TRIM42: variants seen among roughly 807,000 people sequenced by gnomAD.
The protein encoded by TRIM42 is tripartite motif-containing protein 42.
In TRIM42, 59 loss-of-function variants were observed where a neutral mutation model predicts 64.9. That is an observed-to-expected ratio of 0.91 (90% confidence interval 0.74 to 1.13). The LOEUF (loss-of-function observed/expected upper bound fraction) is 1.13. TRIM42 is among the 50% of genes most tolerant of loss of function. The pLI, the probability that TRIM42 is intolerant of heterozygous loss-of-function variation, is 0.00. For missense variants in TRIM42, 878 were observed against 929.5 expected (o/e 0.94, Z 0.72); for synonymous variants, 354 against 346.3 (o/e 1.02, Z -0.25).
intron 4 of TRIM42, among the ~76,000 whole-genome samples, chr3:140,692,492 T>G (rs1245476640): frequency 8.5e-6 from 1 of 117,408 alleles, no homozygotes; most frequent in Admixed American, 9.2e-5. Context: ...CTTTACCTCA[T>G]AGAGTCCAGC....
At chr3:140,697,503 G>A (rs1469636540) in intron 4 of TRIM42, among the ~76,000 whole-genome samples, 1 of 152,030 alleles carries the variant, frequency 6.6e-6, no homozygotes, top group African/African-American at 2.4e-5. Flanking sequence ...AATCCATCCA[G>A]ACTCTGCCTT....
intron 4 of TRIM42, 114 bp from the exon 5 acceptor site, chr3:140,700,774 G>C: frequency 1.1e-6 from 1 of 883,944 alleles, no homozygotes; most frequent in East Asian, 2.6e-5. Context: ...CAGCCACTGT[G>C]GTGGTCGTGA....
intron 2 of TRIM42, among the ~76,000 whole-genome samples, chr3:140,685,888 T>C (rs751896699): frequency 5.3e-5 from 8 of 152,232 alleles, no homozygotes; most frequent in Non-Finnish European, 8.8e-5. Context: ...TAAGAAGATA[T>C]ATGTGATAGA....
chr3:140,688,171 G>C lies in TRIM42; in HGVS notation c.1489G>C (p.Val497Leu), dbSNP rs918253075. ...HELFPTGPKK[V>L]RSSGDSLPSP... ...GCTCTTCCCCACAGGGCCCAAGAAG[G>C]TACGCTCCTCAGGGGACTCCCTGCC... The change falls in exon 3 of 5, where the codon GTA (valine) becomes CTA (leucine). Residue 497 changes from valine to leucine, a missense_variant. Transcript: ENST00000286349. The C allele has an allele frequency of 2.5e-6, 4 of 1,614,052 alleles. No individual in the cohort carries two copies. The highest frequency in any genetic ancestry group is 3.4e-6 in the Non-Finnish European group (4 of 1,180,032).
rs370072360 is a variant in TRIM42, at chr3:140,691,204, G to T, written c.2085+12G>T. The T allele has an allele frequency of 6.2e-7, 1 of 1,609,188 alleles. No homozygotes were observed. The highest frequency in any genetic ancestry group is 1.3e-5 in the African/African-American group (1 of 74,782). On this transcript the variant is annotated intron_variant, in intron 4 of 4. Coordinates refer to ENST00000286349, the MANE Select transcript of TRIM42 (RefSeq NM_152616.5). ...GTGATATCTGCAAGGTATTGTGTGCGTTATTTCTCAGACAGATTTTTTTTT... is the reference window on the plus strand; with the variant it reads ...GTGATATCTGCAAGGTATTGTGTGCTTTATTTCTCAGACAGATTTTTTTTT...
intron 2 of TRIM42, among the ~76,000 whole-genome samples, chr3:140,684,894 G>A (rs1182641430): frequency 3.3e-5 from 5 of 152,090 alleles, no homozygotes; most frequent in Admixed American, 6.6e-5. Flanking sequence ...AGAGAACCTC[G>A]TCCTTAATAC....
chr3:140,700,408 A>G (rs191889104), intron 4 of TRIM42, among the ~76,000 whole-genome samples: 50 of 152,342 alleles, frequency 3.3e-4, no homozygotes, highest in Admixed American at 9.8e-4. Flanking sequence ...TCTCTTTTCC[A>G]TAACTAGTGT....
chr3:140,680,948 G>A (rs116067457), intron 1 of TRIM42, among the ~76,000 whole-genome samples: 4 of 152,300 alleles, frequency 2.6e-5, no homozygotes, highest in East Asian at 3.9e-4. Context: ...GAACACAGCC[G>A]CAATGTCGAG....
At chr3:140,683,401 GACCC>G (rs1222713422) in intron 2 of TRIM42, among the ~76,000 whole-genome samples, 1 of 152,166 alleles carries the variant, frequency 6.6e-6, no homozygotes, top group Admixed American at 6.5e-5. Flanking sequence ...GAATAGTAGT[GACCC>G]CCTCACTGGG....
chr3:140,699,881 C>CTAAT (rs1411117920), intron 4 of TRIM42, among the ~76,000 whole-genome samples: 1 of 152,196 alleles, frequency 6.6e-6, no homozygotes, highest in South Asian at 2.1e-4. Context: ...GAGCATAATG[C>CTAAT]TAATAAGGGT....
chr3:140,680,971 ATAT>A (rs1290033970), intron 1 of TRIM42, among the ~76,000 whole-genome samples: 1 of 152,240 alleles, frequency 6.6e-6, no homozygotes, highest in Non-Finnish European at 1.5e-5. Context: ...TAGTATCCAA[ATAT>A]TATTATGCAA....
In TRIM42 at chr3:140,700,976, C is replaced by A. The variant is rs1172612943; in HGVS notation, c.*2C>A. 34 of 1,613,538 alleles carry A rather than the reference C, an allele frequency of 2.1e-5. No homozygotes were observed. Among genetic ancestry groups the A allele is most frequent in the Non-Finnish European group, 2.6e-5 (31 of 1,179,540 alleles). ...TCTGCCCTCCAGAAGCACTTCTGAG[C>A]CCCTTCAGAGCAGGAAACAACCTCA... On this transcript the variant is annotated 3_prime_UTR_variant, in exon 5 of 5. Coordinates refer to ENST00000286349, the MANE Select transcript of TRIM42 (RefSeq NM_152616.5).
chr3:140,682,369 C>A, intron 1 of TRIM42, 93 bp from the exon 2 acceptor site: 1 of 1,253,822 alleles, frequency 8.0e-7, no homozygotes, highest in Non-Finnish European at 1.1e-6. Context: ...CACTAGACTG[C>A]CCCTCAGGAA....
chr3:140,686,948 A>G (rs972158242), intron 2 of TRIM42, among the ~76,000 whole-genome samples: 5 of 152,212 alleles, frequency 3.3e-5, no homozygotes, highest in African/African-American at 1.2e-4. Flanking sequence ...TTGAGCACAG[A>G]TGCCCTCTCA....
chr3:140,690,583 A>G (rs1390150992), intron 3 of TRIM42, among the ~76,000 whole-genome samples: 3 of 98,304 alleles, frequency 3.1e-5, no homozygotes, highest in African/African-American at 1.4e-4. Flanking sequence ...ATATATATAT[A>G]TATGTTTGTA....
At chr3:140,691,553 G>T (rs921581492) in intron 4 of TRIM42, among the ~76,000 whole-genome samples, 1 of 152,154 alleles carries the variant, frequency 6.6e-6, no homozygotes, top group African/African-American at 2.4e-5. Flanking sequence ...TAAAAATGAG[G>T]TGCTATTCCC....
In TRIM42 at chr3:140,687,950, T is replaced by A; in HGVS notation, c.1268T>A (p.Met423Lys). 1 of 1,614,122 alleles carries A rather than the reference T, an allele frequency of 6.2e-7. No individual in the cohort carries two copies. Among genetic ancestry groups the A allele is most frequent in the Non-Finnish European group, 8.5e-7 (1 of 1,180,006 alleles). The part of the protein sequence containing the change: ...VYVTTMKVNE[M>K]DGLIAYSKEA... ...GTTACAACCATGAAAGTGAACGAGATGGATGGTCTGATCGCCTACTCCAAG... is the reference window on the plus strand; with the variant it reads ...GTTACAACCATGAAAGTGAACGAGAAGGATGGTCTGATCGCCTACTCCAAG... Residue 423 changes from methionine to lysine, a missense_variant, in exon 3 of 5, where the codon ATG becomes AAG. Met to Lys is a moderately conservative substitution (Grantham distance 95). Coordinates refer to ENST00000286349, the MANE Select transcript of TRIM42 (RefSeq NM_152616.5).
chr3:140,691,201 T>C lies in TRIM42; in HGVS notation c.2085+9T>C. 6.2e-7 allele frequency: 1 copy of C among 1,611,100 alleles called. No individual in the cohort carries two copies. Among genetic ancestry groups the C allele is most frequent in the Non-Finnish European group, 8.5e-7 (1 of 1,177,232 alleles). On this transcript the variant is annotated intron_variant, in intron 4 of 4. Coordinates refer to ENST00000286349, the MANE Select transcript of TRIM42 (RefSeq NM_152616.5). The stretch of plus-strand genomic sequence containing the variant: ...GGAGTGATATCTGCAAGGTATTGTG[T>C]GCGTTATTTCTCAGACAGATTTTTT...
In TRIM42 at chr3:140,678,713, A is replaced by C. The variant is rs1988275909; in HGVS notation, c.341+143A>C. On this transcript the variant is annotated intron_variant, in intron 1 of 4. Coordinates refer to ENST00000286349, the MANE Select transcript of TRIM42 (RefSeq NM_152616.5). The stretch of plus-strand genomic sequence containing the variant: ...AAGGAGGAGCCAAGAATTTTGTAGC[A>C]ATTAATTGTATCCTAAATGGTCACT... 3 of 665,612 alleles carry C rather than the reference A, an allele frequency of 4.5e-6. No homozygotes were observed. In the East Asian group the frequency reaches 8.2e-5, roughly 18 times the overall value. The allele number at this position is 665,612 out of a possible 1,614,324, so 41.2% of individuals were successfully genotyped here. A position where few individuals can be genotyped will look rare whatever the true frequency, so the allele number is the denominator to read the frequency against.
Sources: gnomAD v4.1 joint callset for allele counts (sites outside exome capture counted in the v4.1 genomes callset) on GRCh38, gnomAD v4.1.1 for gene constraint, MANE v1.5 for transcripts, NCBI Gene and HGNC (gene_info 2026-07-23, HGNC 2026-07-21) for gene names.